Variants in PPM1E observed in about 807,000 individuals in gnomAD.
The protein encoded by PPM1E is protein phosphatase 1E.
A neutral mutation model predicts 65.9 loss-of-function variants in PPM1E; 20 were observed. That is an observed-to-expected ratio of 0.30 (90% CI 0.21 to 0.44). The LOEUF (loss-of-function observed/expected upper bound fraction) is 0.44. PPM1E is among the 20% of genes least tolerant of loss of function. PPM1E has a pLI of 1.00. For missense variants in PPM1E, 713 were observed against 953.1 expected, an observed-to-expected ratio of 0.75 and a Z score of 3.32; for synonymous variants, 352 against 374.9, an observed-to-expected ratio of 0.94 and a Z score of 0.70.
At chr17:58,873,566 T>TA (rs1173403376) in intron 1 of PPM1E, among the ~76,000 whole-genome samples, 2 of 1,374 alleles carry the variant, frequency 1.5e-3, no homozygotes, top group East Asian at 0.25. Context: ...ATGCTCATAG[T>TA]ATTATTATTA....
chr17:58,868,403 G>T (rs539217491), intron 1 of PPM1E, among the ~76,000 whole-genome samples: 1 of 152,140 alleles, frequency 6.6e-6, no homozygotes, highest in East Asian at 1.9e-4. Flanking sequence ...TAAAGAGCTT[G>T]GTTTGTTTTC....
intron 1 of PPM1E, among the ~76,000 whole-genome samples, chr17:58,889,691 A>G (rs547654125): frequency 6.6e-6 from 1 of 152,326 alleles, no homozygotes; most frequent in South Asian, 2.1e-4. Context: ...TAGAAATGCT[A>G]AATTGGTAAA....
At chr17:58,832,569 G>A (rs1312488695) in intron 1 of PPM1E, among the ~76,000 whole-genome samples, 1 of 152,060 alleles carries the variant, frequency 6.6e-6, no homozygotes, top group African/African-American at 2.4e-5. Flanking sequence ...CTGGAGTGTA[G>A]GTTGAGAATT....
At chr17:58,955,915 T>G in intron 2 of PPM1E, 148 bp downstream of exon 2, 2 of 785,054 alleles carry the variant, frequency 2.5e-6, no homozygotes. Context: ...AAATGCAACT[T>G]TTTTCAAATA....
intron 2 of PPM1E, among the ~76,000 whole-genome samples, chr17:58,961,387 T>G (rs545132820): frequency 3.3e-5 from 5 of 152,342 alleles, no homozygotes; most frequent in Admixed American, 2.0e-4. Flanking sequence ...AATTTGGAGA[T>G]GAAGAACATG....
chr17:58,980,765 T>C lies in PPM1E; in HGVS notation c.2002T>C (p.Ser668Pro). ...KSPGNRVSRLSHLRHHYSKKW... is the reference protein window; with the variant it reads ...KSPGNRVSRLPHLRHHYSKKW... ...CCCGGGAAACAGAGTTTCTAGATTG[T>C]CTCATTTACGCCACCACTACTCAAA... is the stretch of plus-strand genomic sequence containing the variant. Residue 668 changes from serine (S) to proline (P), a missense_variant, in exon 7 of 7, where the codon TCT (serine) becomes CCT (proline). Ser to Pro is a moderately conservative substitution (Grantham distance 74). This residue lies in a region of PPM1E where 286 missense variants were observed against 313.8 expected (regional missense o/e 0.91). Transcript: ENST00000308249. This position sits in a 1 kb window ranked among gnomAD's most constrained non-coding sequence, Gnocchi z 4.7. The C allele has an allele frequency of 1.2e-6, 2 of 1,614,156 alleles. No homozygotes were observed. The highest frequency in any genetic ancestry group is 1.6e-4 in the Middle Eastern group (1 of 6,062).
chr17:58,802,380 C>T (rs978235685), intron 1 of PPM1E, among the ~76,000 whole-genome samples: 2 of 152,038 alleles, frequency 1.3e-5, no homozygotes, highest in African/African-American at 4.8e-5. Flanking sequence ...TATTCTGTTC[C>T]ATTGGTTTCT....
chr17:58,878,403 T>G (rs932468220), intron 1 of PPM1E, among the ~76,000 whole-genome samples: 12 of 151,720 alleles, frequency 7.9e-5, no homozygotes, highest in African/African-American at 2.9e-4. Flanking sequence ...CCACCACACC[T>G]GGCTAATTTT....
intron 1 of PPM1E, among the ~76,000 whole-genome samples, chr17:58,788,463 A>G (rs1270379719): frequency 6.6e-6 from 1 of 152,214 alleles, no homozygotes; most frequent in African/African-American, 2.4e-5. Context: ...CACTACGGGT[A>G]TAGTTTCACA....
intron 1 of PPM1E, among the ~76,000 whole-genome samples, chr17:58,827,111 T>A (rs2050544959): frequency 6.6e-6 from 1 of 150,454 alleles, no homozygotes. Flanking sequence ...TATAAAAGCC[T>A]GCATTCAGCT....
At chr17:58,940,804 A>G (rs1249651696) in intron 1 of PPM1E, among the ~76,000 whole-genome samples, 1 of 152,122 alleles carries the variant, frequency 6.6e-6, no homozygotes, top group Non-Finnish European at 1.5e-5. Context: ...TGCACCTCCC[A>G]GGTTCAAGCA....
chr17:58,856,192 T>C (rs753543922), intron 1 of PPM1E, among the ~76,000 whole-genome samples: 2 of 152,184 alleles, frequency 1.3e-5, no homozygotes, highest in African/African-American at 2.4e-5. Context: ...CTGGAAAATA[T>C]TAATCTTGAG....
chr17:58,939,319 T>C (rs2052031829), intron 1 of PPM1E, among the ~76,000 whole-genome samples: 1 of 152,134 alleles, frequency 6.6e-6, no homozygotes, highest in African/African-American at 2.4e-5. Flanking sequence ...AGATAAATAT[T>C]TGGAGGATAA....
intron 4 of PPM1E, 52 bp from the exon 5 acceptor site, chr17:58,972,080 T>C: frequency 6.5e-7 from 1 of 1,539,274 alleles, no homozygotes; most frequent in South Asian, 1.2e-5. Context: ...TCAATAAGAA[T>C]GTAGTATCTA....
At chr17:58,940,614 C>T (rs1008674442) in intron 1 of PPM1E, among the ~76,000 whole-genome samples, 1 of 152,186 alleles carries the variant, frequency 6.6e-6, no homozygotes, top group African/African-American at 2.4e-5. Context: ...GTTGAACCTA[C>T]ATCCAGATAG....
chr17:58,801,851 G>T lies in PPM1E; in HGVS notation c.464+45390G>T, dbSNP rs187043747. Among the ~76,000 whole-genome samples the T allele has an allele frequency of 2.6e-5, 4 of 152,024 alleles. No homozygotes were observed. In the East Asian group the frequency reaches 7.7e-4, roughly 29 times the overall value. On this transcript the variant is annotated intron_variant, in intron 1 of 6. Transcript: ENST00000308249. The stretch of plus-strand genomic sequence containing the variant: ...GGCTCACTGCATTTTCCGCCTTCTG[G>T]GTTTAAGCTATTCTTGTGCCTCAGC...
At chr17:58,923,116 C>T (rs1167567813) in intron 1 of PPM1E, among the ~76,000 whole-genome samples, 3 of 133,438 alleles carry the variant, frequency 2.2e-5, no homozygotes, top group Non-Finnish European at 4.8e-5. Context: ...CAAAACCCAT[C>T]TCTACTAAAA....
chr17:58,770,860 CTTT>C (rs781300201), intron 1 of PPM1E, among the ~76,000 whole-genome samples: 3 of 136,418 alleles, frequency 2.2e-5, no homozygotes, highest in Non-Finnish European at 1.6e-5. Context: ...TGTAACTTTT[CTTT>C]TTTTTTTTTT....
chr17:58,886,436 C>T (rs1471831447), intron 1 of PPM1E, among the ~76,000 whole-genome samples: 1 of 152,150 alleles, frequency 6.6e-6, no homozygotes, highest in African/African-American at 2.4e-5. Flanking sequence ...TGGTAGTGAA[C>T]AAACTCAGGT....
Sources: gnomAD v4.1 joint callset for allele counts (sites outside exome capture counted in the v4.1 genomes callset) on GRCh38, gnomAD v4.1.1 for gene constraint, gnomAD v4.1.1 regional missense constraint, Gnocchi (gnomAD v3.1) non-coding constraint, MANE v1.5 for transcripts, NCBI Gene and HGNC (gene_info 2026-07-23, HGNC 2026-07-21) for gene names.